Variants in ATP1B3 observed in about 807,000 individuals in gnomAD.
The protein encoded by ATP1B3 is ATPase Na+/K+ transporting subunit beta 3.
In ATP1B3, 10 loss-of-function variants were observed where a neutral mutation model predicts 30.2. The ratio of observed to expected loss-of-function variants is 0.33; its 90% CI spans 0.20 to 0.56. The LOEUF (loss-of-function observed/expected upper bound fraction) is 0.56, where lower values mean the gene tolerates loss of function less well. ATP1B3 is among the 20% of genes least tolerant of loss of function. The pLI, the probability that ATP1B3 is intolerant of heterozygous loss-of-function variation, is 0.90. For synonymous variants in ATP1B3, 113 were observed against 117.0 expected (o/e 0.97, Z 0.22); for missense variants, 238 against 336.7 (o/e 0.71, Z 2.29).
chr3:141,879,811 C>CTTTTTTTTT lies in ATP1B3; in HGVS notation c.109+2917_109+2925dup, dbSNP rs150389395. Among the ~76,000 whole-genome samples, 142 of 57,932 alleles carry CTTTTTTTTT rather than the reference C, an allele frequency of 2.5e-3. 1 individual carries two copies. The highest frequency in any genetic ancestry group is 3.7e-3 in the African/African-American group (43 of 11,764). The allele number at this position is 57,932 out of a possible 152,430, so 38.0% of individuals were successfully genotyped here. ...AAAACCTTACAGTTTTTGGTAACAG[C>CTTTTTTTTT]TTTTTTTTTTTTTTTTTTTTTTTTA... On this transcript the variant is annotated intron_variant, in intron 1 of 6. Transcript: ENST00000286371.
chr3:141,901,946 C>G (rs1266405113), intron 1 of ATP1B3, among the ~76,000 whole-genome samples: 2 of 152,204 alleles, frequency 1.3e-5, no homozygotes, highest in Non-Finnish European at 2.9e-5. Flanking sequence ...CAGCCACACT[C>G]ATTACATTTA....
intron 3 of ATP1B3, among the ~76,000 whole-genome samples, chr3:141,908,430 C>T (rs977374617): frequency 6.6e-5 from 10 of 152,274 alleles, no homozygotes; most frequent in African/African-American, 2.2e-4. Context: ...TATCTCATCT[C>T]CCACCCCGTC....
chr3:141,918,593 C>G (rs1341443927), intron 5 of ATP1B3: 5 of 152,096 alleles, frequency 3.3e-5, no homozygotes, highest in Non-Finnish European at 5.9e-5. Context: ...CACGTGCTAT[C>G]ACGCCCGGTT....
intron 1 of ATP1B3, among the ~76,000 whole-genome samples, chr3:141,890,437 G>T (rs6803053): frequency 1.1e-4 from 16 of 151,282 alleles, no homozygotes; most frequent in African/African-American, 3.6e-4. Flanking sequence ...CAAGTAGCTG[G>T]GATTACAGGT....
chr3:141,892,532 C>A (rs76375703), intron 1 of ATP1B3, among the ~76,000 whole-genome samples: 1 of 151,706 alleles, frequency 6.6e-6, no homozygotes, highest in Admixed American at 6.6e-5. Flanking sequence ...GTGACACACG[C>A]CTGTAATCCC....
At chr3:141,908,242 G>A (rs748462465) in intron 3 of ATP1B3, among the ~76,000 whole-genome samples, 6 of 151,948 alleles carry the variant, frequency 3.9e-5, no homozygotes, top group African/African-American at 7.3e-5. Context: ...AGTTTGTAAC[G>A]CTCTTTGATA....
chr3:141,891,373 A>G (rs963135367), intron 1 of ATP1B3, among the ~76,000 whole-genome samples: 1 of 152,226 alleles, frequency 6.6e-6, no homozygotes, highest in African/African-American at 2.4e-5. Context: ...GTTTATGTAT[A>G]GAAAATAGTC....
intron 3 of ATP1B3, among the ~76,000 whole-genome samples, chr3:141,908,230 C>A (rs569405303): frequency 6.6e-6 from 1 of 152,008 alleles, no homozygotes; most frequent in African/African-American, 2.4e-5. Context: ...TTCAAAGTTA[C>A]CAGTTTGTAA....
At chr3:141,882,564 A>G (rs75727927) in intron 1 of ATP1B3, among the ~76,000 whole-genome samples, 71 of 152,144 alleles carry the variant, frequency 4.7e-4, no homozygotes, top group Middle Eastern at 6.8e-3. Flanking sequence ...CCAAAGCTGC[A>G]TATCTAATCA....
intron 5 of ATP1B3, among the ~76,000 whole-genome samples, chr3:141,917,130 G>A (rs1934478807): frequency 6.6e-6 from 1 of 151,496 alleles, no homozygotes; most frequent in African/African-American, 2.4e-5. Flanking sequence ...TGGGATTACA[G>A]GCATGAGTCA....
At position 141,909,045 on chromosome 3, in the gene ATP1B3, C is replaced by T. The variant is rs537369335; in HGVS notation, c.346+1771C>T. 6.4e-4 allele frequency among the ~76,000 whole-genome samples: 98 copies of T among 152,250 alleles called. 1 individual carries two copies. The highest frequency in any genetic ancestry group is 1.2e-3 in the Non-Finnish European group (82 of 68,024). ...TCTTGTGTGTATTTAGCCTTTCTGT[C>T]TGTATTGGATCCTTCCTGTCAACTT... On this transcript the variant is annotated intron_variant, in intron 3 of 6. Transcript: ENST00000286371.
chr3:141,878,308 G>A (rs1559862983), intron 1 of ATP1B3, among the ~76,000 whole-genome samples: 1 of 152,130 alleles, frequency 6.6e-6, no homozygotes, highest in Non-Finnish European at 1.5e-5. Context: ...TTAAATTGCT[G>A]TTTTCTTTTG....
chr3:141,908,500 C>T (rs992051058), intron 3 of ATP1B3, among the ~76,000 whole-genome samples: 1 of 152,140 alleles, frequency 6.6e-6, no homozygotes, highest in Non-Finnish European at 1.5e-5. Flanking sequence ...TACTGGTGCT[C>T]TAAAATCCCA....
rs1934649247 is a variant in ATP1B3 at position 141,925,833 on chromosome 3, A to G, written c.*132A>G. 2 of 1,137,622 alleles carry G rather than the reference A, an allele frequency of 1.8e-6. No individual in the cohort carries two copies. The highest frequency in any genetic ancestry group is 3.1e-5 in the South Asian group (2 of 64,770). The allele number at this position is 1,137,622 out of a possible 1,614,324, so 70.5% of individuals were successfully genotyped here. A position where few individuals can be genotyped will look rare whatever the true frequency, so the allele number is the denominator to read the frequency against. ...GTGGTACATGACATTGGGTTACATCATAACGTGCTTCCAGATCATAGTGTT... is the reference window on the plus strand; with the variant it reads ...GTGGTACATGACATTGGGTTACATCGTAACGTGCTTCCAGATCATAGTGTT... On this transcript the variant is annotated 3_prime_UTR_variant, in exon 7 of 7. Coordinates refer to ENST00000286371, the MANE Select transcript of ATP1B3 (RefSeq NM_001679.4).
chr3:141,890,234 C>T (rs1933919639), intron 1 of ATP1B3, among the ~76,000 whole-genome samples: 1 of 144,352 alleles, frequency 6.9e-6, no homozygotes, highest in Non-Finnish European at 1.5e-5. Context: ...CTGTGTATGC[C>T]ACCACACCTG....
chr3:141,899,661 G>A (rs1274034036), intron 1 of ATP1B3, among the ~76,000 whole-genome samples: 1 of 152,194 alleles, frequency 6.6e-6, no homozygotes, highest in Admixed American at 6.5e-5. Context: ...CCTGAGGTCA[G>A]GAGTTCGAGA....
chr3:141,924,072 G>A (rs6798210), intron 6 of ATP1B3, among the ~76,000 whole-genome samples: 2 of 152,100 alleles, frequency 1.3e-5, no homozygotes, highest in African/African-American at 2.4e-5. Flanking sequence ...TGCCTGGCAC[G>A]GTGGCTCACG....
intron 1 of ATP1B3, chr3:141,877,574 C>A (rs1425013701): frequency 2.6e-5 from 4 of 152,156 alleles, no homozygotes; most frequent in African/African-American, 9.7e-5. Context: ...TTGGTTCCTC[C>A]CGGATTCCTT....
At chr3:141,892,017 C>T (rs1933963684) in intron 1 of ATP1B3, among the ~76,000 whole-genome samples, 3 of 151,644 alleles carry the variant, frequency 2.0e-5, no homozygotes, top group Non-Finnish European at 4.4e-5. Flanking sequence ...CAAAGTTCTA[C>T]GTATACTAGG....
Sources: allele counts gnomAD v4.1 joint callset (sites outside exome capture counted in the v4.1 genomes callset), GRCh38; gene constraint gnomAD v4.1.1; transcripts MANE v1.5; gene names NCBI Gene and HGNC (gene_info 2026-07-23, HGNC 2026-07-21).